Variants in RNF220 observed in about 807,000 individuals in gnomAD.
RNF220 encodes E3 ubiquitin-protein ligase RNF220.
RNF220 carries 7 observed loss-of-function variants against 67.1 expected under a neutral mutation model. That is an observed-to-expected ratio of 0.10 (90% CI 0.06 to 0.20). RNF220 has a LOEUF of 0.20. RNF220 is among the 10% of genes least tolerant of loss of function. The pLI is 1.00. For missense variants in RNF220, 565 were observed against 740.3 expected (o/e 0.76, Z 2.75); for synonymous variants, 270 against 283.2 (o/e 0.95, Z 0.47).
chr1:44,551,119 C>CTTTTTTTTT (rs386366846), intron 2 of RNF220, among the ~76,000 whole-genome samples: 2 of 97,496 alleles, frequency 2.1e-5, no homozygotes, highest in African/African-American at 8.5e-5. Flanking sequence ...CACTTCTTGC[C>CTTTTTTTTT]TTTTTTTTTT....
chr1:44,587,360 T>C (rs994784966), intron 2 of RNF220, among the ~76,000 whole-genome samples: 1 of 152,092 alleles, frequency 6.6e-6, no homozygotes, highest in African/African-American at 2.4e-5. Context: ...TTGGCCAGGC[T>C]GGTCTCAAAC....
rs1666859923 is a variant in RNF220 at position 44,600,697 on chromosome 1, T to G, written c.626-13468T>G. Among the ~76,000 whole-genome samples the G allele has an allele frequency of 6.6e-6, 1 of 152,042 alleles. No individual in the cohort carries two copies. The highest frequency in any genetic ancestry group is 1.5e-5 in the Non-Finnish European group (1 of 67,998). ...TTAGACAGATGTGGTGGCACACACCTGCAGTCCCAGCTACTCGGGAGGCTG... is the reference window on the plus strand; with the variant it reads ...TTAGACAGATGTGGTGGCACACACCGGCAGTCCCAGCTACTCGGGAGGCTG... On this transcript the variant is annotated intron_variant, in intron 2 of 14. Transcript: ENST00000361799. This position sits in a 1 kb window ranked among gnomAD's most constrained non-coding sequence, Gnocchi z 4.0.
chr1:44,538,095 A>C (rs1346275826), intron 2 of RNF220, among the ~76,000 whole-genome samples: 4 of 152,234 alleles, frequency 2.6e-5, no homozygotes, highest in African/African-American at 9.6e-5. Flanking sequence ...CCCTAGACTT[A>C]TCTGACTATA....
At chr1:44,473,198 G>A (rs77313130) in intron 2 of RNF220, among the ~76,000 whole-genome samples, 4,123 of 152,162 alleles carry the variant, frequency 0.027, 193 homozygotes, top group African/African-American at 0.093. Flanking sequence ...TTGTGATTAA[G>A]TTATAATTTA....
At chr1:44,429,051 CTT>C (rs945256079) in intron 2 of RNF220, among the ~76,000 whole-genome samples, 2 of 152,004 alleles carry the variant, frequency 1.3e-5, no homozygotes, top group Admixed American at 6.6e-5. Flanking sequence ...CCAAAACTGT[CTT>C]TTGCCTCCTC....
intron 2 of RNF220, among the ~76,000 whole-genome samples, chr1:44,446,809 G>A (rs532143942): frequency 1.6e-4 from 25 of 152,090 alleles, no homozygotes; most frequent in African/African-American, 4.1e-4. Context: ...TGCCCACCTC[G>A]GCCTCCCAAA....
At chr1:44,502,988 A>G (rs1208245809) in intron 2 of RNF220, among the ~76,000 whole-genome samples, 4 of 151,946 alleles carry the variant, frequency 2.6e-5, no homozygotes, top group Non-Finnish European at 5.9e-5. Flanking sequence ...CCCAGGCTGC[A>G]TTTTTTAAGA....
intron 2 of RNF220, among the ~76,000 whole-genome samples, chr1:44,528,082 G>T (rs1660540132): frequency 6.6e-6 from 1 of 151,492 alleles, no homozygotes; most frequent in African/African-American, 2.4e-5. Flanking sequence ...AAAAATAAAA[G>T]GCAAATGCCA....
chr1:44,630,432 A>G (rs1408160752), intron 5 of RNF220, among the ~76,000 whole-genome samples: 1 of 152,242 alleles, frequency 6.6e-6, no homozygotes, highest in East Asian at 1.9e-4. Context: ...GTCTGGCCCT[A>G]AATCCGAGAT....
At chr1:44,443,974 C>A (rs1651822325) in intron 2 of RNF220, among the ~76,000 whole-genome samples, 1 of 152,164 alleles carries the variant, frequency 6.6e-6, no homozygotes, top group Non-Finnish European at 1.5e-5. Flanking sequence ...GCCTGTAATC[C>A]CAGCTACAGA....
chr1:44,488,735 T>C (rs1037137098), intron 2 of RNF220, among the ~76,000 whole-genome samples: 3 of 142,960 alleles, frequency 2.1e-5, no homozygotes, highest in Admixed American at 6.9e-5. Context: ...TTCTTTTTTT[T>C]TTTTTTTTTT....
At chr1:44,609,743 C>T (rs1200863510) in intron 2 of RNF220, among the ~76,000 whole-genome samples, 3 of 152,236 alleles carry the variant, frequency 2.0e-5, no homozygotes, top group Non-Finnish European at 4.4e-5. Context: ...CTTGGCATGA[C>T]CTCTTCTCTC....
chr1:44,457,036 G>A (rs187586940), intron 2 of RNF220, among the ~76,000 whole-genome samples: 79 of 151,892 alleles, frequency 5.2e-4, no homozygotes, highest in Non-Finnish European at 9.9e-4. Context: ...TTACACCCAC[G>A]TATCCTTCAG....
At chr1:44,625,207 A>G (rs1643904538) in intron 4 of RNF220, among the ~76,000 whole-genome samples, 1 of 152,192 alleles carries the variant, frequency 6.6e-6, no homozygotes, top group Admixed American at 6.5e-5. Flanking sequence ...GTCACCCATG[A>G]GGCCTCCCAC....
chr1:44,434,900 A>G (rs1650799827), intron 2 of RNF220, among the ~76,000 whole-genome samples: 1 of 151,500 alleles, frequency 6.6e-6, no homozygotes, highest in African/African-American at 2.4e-5. Context: ...GGTAGCACAC[A>G]CCTATAGTCC....
At chr1:44,580,583 A>G (rs1455609820) in intron 2 of RNF220, among the ~76,000 whole-genome samples, 1 of 152,250 alleles carries the variant, frequency 6.6e-6, no homozygotes, top group Non-Finnish European at 1.5e-5. Flanking sequence ...AAACAGCCGA[A>G]GCTCCCCAGA....
chr1:44,454,108 TC>T (rs1652942675), intron 2 of RNF220, among the ~76,000 whole-genome samples: 1 of 152,168 alleles, frequency 6.6e-6, no homozygotes. Context: ...CAGATAAGTC[TC>T]AGGGATCTTC....
chr1:44,597,509 C>T (rs1666598835), intron 2 of RNF220, among the ~76,000 whole-genome samples: 1 of 130,658 alleles, frequency 7.7e-6, no homozygotes, highest in Non-Finnish European at 1.6e-5. Flanking sequence ...CACACACACA[C>T]ACGAACCTCC....
chr1:44,626,620 C>A, intron 5 of RNF220: 1 of 567,598 alleles, frequency 1.8e-6, no homozygotes, highest in South Asian at 2.1e-5. Context: ...GCCAAGGTCA[C>A]ATGGGCTCCA....
Sources: allele counts gnomAD v4.1 joint callset (sites outside exome capture counted in the v4.1 genomes callset), GRCh38; gene constraint gnomAD v4.1.1; non-coding constraint Gnocchi (gnomAD v3.1); transcripts MANE v1.5; gene names NCBI Gene and HGNC (gene_info 2026-07-23, HGNC 2026-07-21).